Variants in NCAM1 observed in about 807,000 individuals in gnomAD.
NCAM1 encodes neural cell adhesion molecule 1.
In NCAM1, 14 loss-of-function variants were observed where a neutral mutation model predicts 109.8. The observed-to-expected ratio is 0.13, with a 90% CI of 0.08 to 0.20. The LOEUF (loss-of-function observed/expected upper bound fraction) is 0.20. Ranked by LOEUF, NCAM1 falls within the 10% of genes least tolerant of loss-of-function variation. The pLI is 1.00. For synonymous variants in NCAM1, 418 were observed against 442.9 expected, an observed-to-expected ratio of 0.94 and a Z score of 0.70; for missense variants, 774 against 1,109.9, an observed-to-expected ratio of 0.70 and a Z score of 4.30.
At chr11:112,990,633 A>C (rs1951434220) in intron 1 of NCAM1, among the ~76,000 whole-genome samples, 1 of 152,170 alleles carries the variant, frequency 6.6e-6, no homozygotes, top group Non-Finnish European at 1.5e-5. Flanking sequence ...TCTGATCCAC[A>C]GGTAGAGCTG....
intron 9 of NCAM1, chr11:113,221,881 G>C (rs180865002): frequency 6.5e-6 from 1 of 152,996 alleles, no homozygotes; most frequent in East Asian, 1.9e-4. Flanking sequence ...CTTTTATAGA[G>C]CATTAAATTT....
At chr11:113,161,696 G>A (rs1555104429) in intron 1 of NCAM1, among the ~76,000 whole-genome samples, 1 of 152,178 alleles carries the variant, frequency 6.6e-6, no homozygotes, top group African/African-American at 2.4e-5. Flanking sequence ...TAAGCATGAG[G>A]ATGTAGTAAA....
intron 1 of NCAM1, among the ~76,000 whole-genome samples, chr11:113,086,517 T>C (rs1939097844): frequency 6.6e-6 from 1 of 152,244 alleles, no homozygotes; most frequent in African/African-American, 2.4e-5. Context: ...GAAAGGACTC[T>C]ACAGTTCAGA....
Position 113,204,414 on chromosome 11 carries a change from G to T in NCAM1, c.256G>T (p.Ala86Ser), listed in dbSNP as rs782428703. The change falls in exon 3 of 20, where the codon GCC (alanine) becomes TCC (serine). Residue 86 changes from alanine (A) to serine (S), a missense_variant. Around this residue, in one of 4 missense-constraint regions of NCAM1, gnomAD observed 112 missense variants for 142.0 expected, o/e 0.79. Transcript: ENST00000316851. ...DSSSTLTIYNANIDDAGIYKC... is the reference protein window; with the variant it reads ...DSSSTLTIYNSNIDDAGIYKC... ...CTCCTCCACCCTCACCATCTATAACGCCAACATCGACGACGCCGGCATTTA... is the reference window on the plus strand; with the variant it reads ...CTCCTCCACCCTCACCATCTATAACTCCAACATCGACGACGCCGGCATTTA... The T allele has an allele frequency of 2.5e-6, 4 of 1,613,796 alleles. No homozygotes were observed. The African/African-American group carries it at 5.3e-5, about 22-fold the overall frequency.
intron 1 of NCAM1, among the ~76,000 whole-genome samples, chr11:113,161,814 G>A (rs1483428570): frequency 6.6e-6 from 1 of 152,178 alleles, no homozygotes; most frequent in Non-Finnish European, 1.5e-5. Context: ...AGGGAGAAGA[G>A]AAGGTGGAGA....
chr11:113,147,592 T>C (rs1406623963), intron 1 of NCAM1, among the ~76,000 whole-genome samples: 2 of 152,232 alleles, frequency 1.3e-5, no homozygotes, highest in African/African-American at 4.8e-5. Context: ...GAAACGCAGA[T>C]TGCAATTACA....
intron 17 of NCAM1, chr11:113,269,436 T>C (rs537901811): frequency 6.6e-6 from 1 of 152,446 alleles, no homozygotes; most frequent in Non-Finnish European, 1.5e-5. Flanking sequence ...TCTGAGTGAG[T>C]CTGCACTCAC....
intron 1 of NCAM1, among the ~76,000 whole-genome samples, chr11:113,081,542 C>CT (rs1938818837): frequency 7.2e-6 from 1 of 138,958 alleles, no homozygotes; most frequent in Non-Finnish European, 1.6e-5. Flanking sequence ...TTTATCTTTT[C>CT]TTTTTTTCTT....
At chr11:112,995,617 A>G (rs1951572014) in intron 1 of NCAM1, among the ~76,000 whole-genome samples, 1 of 152,222 alleles carries the variant, frequency 6.6e-6, no homozygotes, top group Non-Finnish European at 1.5e-5. Context: ...TGCTATTATT[A>G]TCTATTCTTG....
intron 1 of NCAM1, among the ~76,000 whole-genome samples, chr11:113,194,889 C>T (rs1943807789): frequency 6.6e-6 from 1 of 152,166 alleles, no homozygotes; most frequent in Non-Finnish European, 1.5e-5. Context: ...TAGCAGATCA[C>T]TTCTAGATGT....
intron 1 of NCAM1, among the ~76,000 whole-genome samples, chr11:113,199,507 C>T (rs1555111437): frequency 6.6e-6 from 1 of 151,872 alleles, no homozygotes; most frequent in East Asian, 1.9e-4. Context: ...AGCTTTGTCT[C>T]TGGTGTTTTG....
At chr11:113,157,169 T>TCACACACACA (rs1942442025) in intron 1 of NCAM1, among the ~76,000 whole-genome samples, 1 of 131,248 alleles carries the variant, frequency 7.6e-6, no homozygotes, top group African/African-American at 3.4e-5. Context: ...ACACACAGAG[T>TCACACACACA]AAGAACCCTG....
chr11:113,230,267 G>A (rs1040061536), intron 9 of NCAM1, among the ~76,000 whole-genome samples: 3 of 152,106 alleles, frequency 2.0e-5, no homozygotes, highest in Admixed American at 1.3e-4. Flanking sequence ...CAACCAACCA[G>A]CATCCCAGAT....
At chr11:113,007,298 G>A (rs1332831654) in intron 1 of NCAM1, among the ~76,000 whole-genome samples, 1 of 152,080 alleles carries the variant, frequency 6.6e-6, no homozygotes, top group African/African-American at 2.4e-5. Flanking sequence ...GGGCTCAAGA[G>A]ATCTTCCTGC....
chr11:113,059,548 G>A (rs1953842936), intron 1 of NCAM1, among the ~76,000 whole-genome samples: 1 of 152,132 alleles, frequency 6.6e-6, no homozygotes, highest in South Asian at 2.1e-4. Flanking sequence ...ATCCTCCCAG[G>A]CCTTTCTATG....
intron 6 of NCAM1, 137 bp from the exon 7 acceptor site, chr11:113,207,696 C>G: frequency 1.1e-6 from 1 of 923,898 alleles, no homozygotes; most frequent in Non-Finnish European, 1.6e-6. Flanking sequence ...GGACGTTCAA[C>G]TTGGTGCCTT....
intron 1 of NCAM1, among the ~76,000 whole-genome samples, chr11:113,159,710 G>GT (rs1206342780): frequency 4.0e-5 from 6 of 150,606 alleles, no homozygotes; most frequent in South Asian, 4.2e-4. Context: ...TTCTTTTTTT[G>GT]TTTTTTTTAT....
At position 113,167,325 on chromosome 11, in the gene NCAM1, C is replaced by T. The variant is rs922570749; in HGVS notation, c.53-35054C>T. On this transcript the variant is annotated intron_variant, in intron 1 of 19. Coordinates refer to ENST00000316851, the MANE Select transcript of NCAM1 (RefSeq NM_181351.5). ...AATACCATTGTTTCTAAATGGTTTA[C>T]GAGCAGTGTTATAGAGCCTTCCAGT... is the stretch of plus-strand genomic sequence containing the variant. Among the ~76,000 whole-genome samples the T allele has an allele frequency of 3.9e-5, 6 of 152,164 alleles. No individual in the cohort carries two copies. In the East Asian group the frequency reaches 5.8e-4, roughly 15 times the overall value.
At chr11:113,106,723 G>A (rs1237382614) in intron 1 of NCAM1, among the ~76,000 whole-genome samples, 1 of 152,212 alleles carries the variant, frequency 6.6e-6, no homozygotes, top group African/African-American at 2.4e-5. Context: ...TATAGGAGCA[G>A]CAGCAGTTGT....
Sources: allele counts gnomAD v4.1 joint callset (sites outside exome capture counted in the v4.1 genomes callset), GRCh38; gene constraint gnomAD v4.1.1; regional missense constraint gnomAD v4.1.1; transcripts MANE v1.5; gene names NCBI Gene and HGNC (gene_info 2026-07-23, HGNC 2026-07-21).